GATA4: variants seen among roughly 807,000 people sequenced by gnomAD.
GATA4 encodes the protein transcription factor GATA-4.
A neutral mutation model predicts 37.9 loss-of-function variants in GATA4; 7 were observed. The ratio of observed to expected loss-of-function variants is 0.18; its 90% CI spans 0.11 to 0.35. GATA4 has a LOEUF of 0.35. Among genes scored for constraint, GATA4 ranks in the 10% least tolerant of loss-of-function variants. GATA4 has a pLI of 1.00. For missense variants in GATA4, 647 were observed against 653.0 expected (o/e 0.99, Z 0.10); for synonymous variants, 372 against 292.6 (o/e 1.27, Z -2.77).
upstream of GATA4, among the ~76,000 whole-genome samples, chr8:11,702,807 G>C (rs7003677): frequency 0.27 from 41,393 of 152,056 alleles, 8,045 homozygotes; most frequent in African/African-American, 0.55. The surrounding 1 kb of genome is among the most constrained non-coding windows in gnomAD (Gnocchi z 4.4). Context: ...CGGCGCCCCA[G>C]GCAGCCTCAG....
upstream of GATA4, among the ~76,000 whole-genome samples, chr8:11,702,966 A>G (rs1250650048): frequency 6.6e-6 from 1 of 152,120 alleles, no homozygotes; most frequent in East Asian, 1.9e-4. The surrounding 1 kb of genome is among the most constrained non-coding windows in gnomAD (Gnocchi z 4.4). Context: ...GTTTCCTTCT[A>G]CCCAGCCCCG....
chr8:11,718,941 G>A (rs1392713034), intron 2 of GATA4, among the ~76,000 whole-genome samples: 1 of 152,224 alleles, frequency 6.6e-6, no homozygotes, highest in Admixed American at 6.5e-5. Flanking sequence ...GAGCAGGTGT[G>A]GGAGTTTGAA....
intron 2 of GATA4, among the ~76,000 whole-genome samples, chr8:11,725,188 A>G (rs1056560972): frequency 1.3e-5 from 2 of 152,244 alleles, no homozygotes; most frequent in East Asian, 3.9e-4. Context: ...CCCTGTAGCA[A>G]ATGGGATCCG....
chr8:11,696,429 CT>C (rs1799511010), intron 1 of GATA4, among the ~76,000 whole-genome samples: 1 of 332 alleles, frequency 3.0e-3, no homozygotes, highest in Admixed American at 0.029. Context: ...ATTAGTGTTG[CT>C]GGGGTGTTTG....
intron 4 of GATA4, among the ~76,000 whole-genome samples, chr8:11,753,910 G>A (rs1247001558): frequency 6.6e-6 from 1 of 152,178 alleles, no homozygotes; most frequent in Non-Finnish European, 1.5e-5. Context: ...AACCAGATGT[G>A]GGGAAGGCAC....
chr8:11,752,128 T>C (rs1802332621), intron 4 of GATA4, among the ~76,000 whole-genome samples: 1 of 152,176 alleles, frequency 6.6e-6, no homozygotes, highest in South Asian at 2.1e-4. Flanking sequence ...GGGCCATGTA[T>C]CTTGATCTAG....
chr8:11,699,001 A>G (rs956735131), intron 1 of GATA4, among the ~76,000 whole-genome samples: 1 of 152,184 alleles, frequency 6.6e-6, no homozygotes, highest in African/African-American at 2.4e-5. Context: ...GGAATGTTTC[A>G]TTCTCCATCT....
upstream of GATA4, among the ~76,000 whole-genome samples, chr8:11,691,430 A>C (rs1227882840): frequency 6.6e-6 from 1 of 152,184 alleles, no homozygotes; most frequent in Non-Finnish European, 1.5e-5. Context: ...TCCTCCTGGT[A>C]ACTGGGACTA....
upstream of GATA4, among the ~76,000 whole-genome samples, chr8:11,702,022 C>T (rs1466389013): frequency 6.6e-6 from 1 of 152,204 alleles, no homozygotes; most frequent in Non-Finnish European, 1.5e-5. The surrounding 1 kb of genome is among the most constrained non-coding windows in gnomAD (Gnocchi z 4.4). Flanking sequence ...CCATCCACAG[C>T]ACAGCCTGTT....
chr8:11,725,215 C>A (rs1234888557), intron 2 of GATA4, among the ~76,000 whole-genome samples: 1 of 152,262 alleles, frequency 6.6e-6, no homozygotes, highest in East Asian at 1.9e-4. Flanking sequence ...TGGCCCAGGC[C>A]AATGTCATCA....
At chr8:11,728,668 C>A (rs1004097765) in intron 2 of GATA4, among the ~76,000 whole-genome samples, 1 of 152,182 alleles carries the variant, frequency 6.6e-6, no homozygotes, top group Middle Eastern at 3.2e-3. Flanking sequence ...CCTTCCTCAG[C>A]CTCCAAAAAT....
intron 2 of GATA4, among the ~76,000 whole-genome samples, chr8:11,731,505 C>T (rs1401963504): frequency 6.6e-6 from 1 of 152,232 alleles, no homozygotes; most frequent in Non-Finnish European, 1.5e-5. Flanking sequence ...GATCCCACTT[C>T]TGTGGGGCCC....
In GATA4 at chr8:11,758,659, C is replaced by A; in HGVS notation, c.*184C>A. The A allele has an allele frequency of 1.5e-6, 1 of 661,484 alleles. No individual in the cohort carries two copies. The highest frequency in any genetic ancestry group is 2.7e-6 in the Non-Finnish European group (1 of 369,114). 41.0% of individuals were successfully genotyped at this position (661,484 alleles called of 1,614,324 possible). ...AGCGGGTGTTGGATTTTCTCAGATG[C>A]CTTTACACGCTGATGGGACTGGAGG... is the stretch of plus-strand genomic sequence containing the variant. On this transcript the variant is annotated 3_prime_UTR_variant, in exon 7 of 7. Transcript: ENST00000532059.
intron 1 of GATA4, among the ~76,000 whole-genome samples, chr8:11,695,328 C>T (rs973937872): frequency 6.6e-6 from 1 of 152,148 alleles, no homozygotes; most frequent in African/African-American, 2.4e-5. Context: ...ATGGCTTGAA[C>T]CCGGGAGGCA....
At chr8:11,680,603 G>T (rs576750137) in intron 1 of GATA4, 20 of 985,368 alleles carry the variant, frequency 2.0e-5, no homozygotes, top group Non-Finnish European at 2.3e-5. Flanking sequence ...GGGTCCGAGC[G>T]GCGGTCGGTG....
In GATA4 at chr8:11,707,968, G is replaced by A. The variant is rs188728571; in HGVS notation, c.-345G>A. 3.5e-4 allele frequency: 120 copies of A among 344,194 alleles called. 1 individual carries two copies. The East Asian group carries it at 5.5e-3, about 16-fold the overall frequency. The allele number at this position is 344,194 out of a possible 1,614,324, so 21.3% of individuals were successfully genotyped here. A position where few individuals can be genotyped will look rare whatever the true frequency, so the allele number is the denominator to read the frequency against. ...GAGTGGGGGACCCGAAGGCTCGTGC[G>A]CCACCTCCAGGCCTGGACGCTGCCC... On this transcript the variant is annotated 5_prime_UTR_variant, in exon 2 of 7. Transcript: ENST00000532059. This position sits in a 1 kb window ranked among gnomAD's most constrained non-coding sequence, Gnocchi z 4.7.
At chr8:11,705,662 A>G (rs893724158) in intron 1 of GATA4, among the ~76,000 whole-genome samples, 2 of 151,268 alleles carry the variant, frequency 1.3e-5, no homozygotes, top group Non-Finnish European at 2.9e-5. Context: ...AACCAGCCAG[A>G]GGCGTTTTCC....
chr8:11,698,056 C>T (rs970219079), intron 1 of GATA4: 1 of 974,536 alleles, frequency 1.0e-6, no homozygotes, highest in Non-Finnish European at 1.2e-6. Flanking sequence ...GTCGGGTTCT[C>T]TCTCCTCCCA....
At chr8:11,684,310 A>G (rs1359789293) in intron 1 of GATA4, among the ~76,000 whole-genome samples, 2 of 152,230 alleles carry the variant, frequency 1.3e-5, no homozygotes. Flanking sequence ...ACAAACACCT[A>G]CAAGCTGGGT....
Sources: gnomAD v4.1 joint callset for allele counts (sites outside exome capture counted in the v4.1 genomes callset) on GRCh38, gnomAD v4.1.1 for gene constraint, Gnocchi (gnomAD v3.1) non-coding constraint, MANE v1.5 for transcripts, NCBI Gene and HGNC (gene_info 2026-07-23, HGNC 2026-07-21) for gene names.